TMEM170B: variants seen among roughly 807,000 people sequenced by gnomAD.
TMEM170B encodes transmembrane protein 170B.
In TMEM170B, 6 loss-of-function variants were observed where a neutral mutation model predicts 13.0. The observed-to-expected ratio is 0.46, with a 90% CI of 0.25 to 0.91. The LOEUF is 0.91. Among genes scored for constraint, TMEM170B ranks in the 40% least tolerant of loss-of-function variants. The pLI is 0.17. For synonymous variants in TMEM170B, 61 were observed against 64.9 expected (o/e 0.94, Z 0.29); for missense variants, 138 against 165.2 (o/e 0.84, Z 0.90).
intron 1 of TMEM170B, among the ~76,000 whole-genome samples, chr6:11,549,160 C>A: frequency 6.6e-6 from 1 of 152,166 alleles, no homozygotes; most frequent in Non-Finnish European, 1.5e-5. Context: ...ATGAATAAGT[C>A]TACTGATGGC....
Position 11,575,356 on chromosome 6 carries a change from C to A in TMEM170B, c.269-75C>A. The A allele has an allele frequency of 6.6e-7, 1 of 1,520,044 alleles. No homozygotes were observed. The highest frequency in any genetic ancestry group is 9.0e-7 in the Non-Finnish European group (1 of 1,114,884). The allele number at this position is 1,520,044 out of a possible 1,614,324, so 94.2% of individuals were successfully genotyped here. A position where few individuals can be genotyped will look rare whatever the true frequency, so the allele number is the denominator to read the frequency against. On this transcript the variant is annotated intron_variant, in intron 2 of 2. Coordinates refer to ENST00000379426, the MANE Select transcript of TMEM170B (RefSeq NM_001100829.3). This position sits in a 1 kb window ranked among gnomAD's most constrained non-coding sequence, Gnocchi z 4.1. ...TTATGTTTTGATGAAATGAAAAGAG[C>A]TCTTAAGGTGCAGCATGCAGTGTGT...
intron 1 of TMEM170B, among the ~76,000 whole-genome samples, chr6:11,545,471 A>G (rs190467292): frequency 8.5e-5 from 13 of 152,238 alleles, no homozygotes; most frequent in Non-Finnish European, 1.9e-4. Flanking sequence ...ACCTCATGTG[A>G]TGATGGTCCC....
intron 1 of TMEM170B, among the ~76,000 whole-genome samples, chr6:11,549,998 A>T (rs1759502870): frequency 6.6e-6 from 1 of 151,946 alleles, no homozygotes; most frequent in Non-Finnish European, 1.5e-5. Context: ...CATGTACATC[A>T]ATTTTTCTAA....
intron 1 of TMEM170B, among the ~76,000 whole-genome samples, chr6:11,539,532 C>G (rs935496458): frequency 6.6e-6 from 1 of 152,068 alleles, no homozygotes; most frequent in Non-Finnish European, 1.5e-5. Context: ...CAAAAGACAA[C>G]TTTAAGGACA....
rs1276845525 is a variant in TMEM170B, at chr6:11,577,644, A to G, written c.*2083A>G. Reference sequence around the variant, plus strand: ...GAGCATGATTCATAATCCAAAATTAACAAGAAAATAACTTGGATACATTAA... The same window carrying G: ...GAGCATGATTCATAATCCAAAATTAGCAAGAAAATAACTTGGATACATTAA... On this transcript the variant is annotated 3_prime_UTR_variant, in exon 3 of 3. Transcript: ENST00000379426. The G allele has an allele frequency of 6.6e-6, 1 of 152,144 alleles. No individual in the cohort carries two copies. The highest frequency in any genetic ancestry group is 2.4e-5 in the African/African-American group (1 of 41,460). The allele number at this position is 152,144 out of a possible 1,614,324, so 9.4% of individuals were successfully genotyped here.
intron 1 of TMEM170B, among the ~76,000 whole-genome samples, chr6:11,543,800 G>GT (rs921898238): frequency 1.1e-4 from 17 of 152,054 alleles, no homozygotes; most frequent in Non-Finnish European, 1.8e-4. Context: ...TGTCACTAGT[G>GT]TTTTTTTCCC....
At chr6:11,555,834 A>C (rs1033223689) in intron 1 of TMEM170B, among the ~76,000 whole-genome samples, 2 of 152,054 alleles carry the variant, frequency 1.3e-5, no homozygotes, top group African/African-American at 2.4e-5. Flanking sequence ...GCTTCTTTTA[A>C]TTTTTTGATT....
chr6:11,568,482 G>A (rs889429355), intron 2 of TMEM170B, among the ~76,000 whole-genome samples: 8 of 152,076 alleles, frequency 5.3e-5, no homozygotes. Context: ...TTTAAAGAGA[G>A]CATGAGAAAT....
intron 1 of TMEM170B, among the ~76,000 whole-genome samples, chr6:11,538,976 G>A (rs1201931488): frequency 6.6e-6 from 1 of 152,124 alleles, no homozygotes; most frequent in Non-Finnish European, 1.5e-5. Context: ...ATTTCCTTTT[G>A]TCTGTCTGTC....
intron 1 of TMEM170B, among the ~76,000 whole-genome samples, chr6:11,543,232 G>A (rs114042098): frequency 6.6e-6 from 1 of 152,126 alleles, no homozygotes; most frequent in African/African-American, 2.4e-5. Flanking sequence ...TATAGTACCT[G>A]GCACGTAGTA....
chr6:11,567,346 G>A (rs1759748035), intron 2 of TMEM170B, among the ~76,000 whole-genome samples: 1 of 152,210 alleles, frequency 6.6e-6, no homozygotes, highest in Non-Finnish European at 1.5e-5. Context: ...TATGTCAGGG[G>A]CAGCTCACTG....
intron 1 of TMEM170B, among the ~76,000 whole-genome samples, chr6:11,546,498 G>A (rs1425307228): frequency 1.3e-5 from 2 of 152,210 alleles, no homozygotes; most frequent in East Asian, 3.8e-4. Flanking sequence ...GCAGTGTACA[G>A]TAATGTCTGA....
chr6:11,555,874 A>ATGTCT (rs1279270945), intron 1 of TMEM170B, among the ~76,000 whole-genome samples: 2 of 398 alleles, frequency 5.0e-3, no homozygotes, highest in African/African-American at 5.1e-3. Context: ...CTGAGGTACA[A>ATGTCT]GGCCGGGCGC....
intron 2 of TMEM170B, among the ~76,000 whole-genome samples, chr6:11,567,869 G>A (rs559695936): frequency 4.0e-4 from 61 of 152,252 alleles, no homozygotes; most frequent in African/African-American, 1.4e-3. Context: ...TTATTCTGCC[G>A]GCCATGGAAA....
Position 11,575,093 on chromosome 6 carries a change from A to G in TMEM170B, c.269-338A>G, listed in dbSNP as rs1344097561. 2.0e-5 allele frequency among the ~76,000 whole-genome samples: 3 copies of G among 152,098 alleles called. No homozygotes were observed. Among genetic ancestry groups the G allele is most frequent in the African/African-American group, 7.2e-5 (3 of 41,432 alleles). ...TATACTGTATGTTTACAAAAATGCT[A>G]AAGAGGTCTAGTTAATTGAATGCCC... On this transcript the variant is annotated intron_variant, in intron 2 of 2. Transcript: ENST00000379426. This position sits in a 1 kb window ranked among gnomAD's most constrained non-coding sequence, Gnocchi z 4.1.
chr6:11,543,343 G>T (rs1218427070), intron 1 of TMEM170B, among the ~76,000 whole-genome samples: 2 of 152,150 alleles, frequency 1.3e-5, no homozygotes, highest in Non-Finnish European at 2.9e-5. Flanking sequence ...ATCTCTTGGA[G>T]TGAATATGCT....
At chr6:11,571,304 G>A (rs907472509) in intron 2 of TMEM170B, among the ~76,000 whole-genome samples, 1 of 151,708 alleles carries the variant, frequency 6.6e-6, no homozygotes, top group African/African-American at 2.4e-5. Context: ...TCCCAACTCA[G>A]CCTCCTGAGT....
At chr6:11,543,326 C>G (rs1759387290) in intron 1 of TMEM170B, among the ~76,000 whole-genome samples, 1 of 152,118 alleles carries the variant, frequency 6.6e-6, no homozygotes, top group Non-Finnish European at 1.5e-5. Flanking sequence ...CATTGTTTCT[C>G]ATCTGCATCT....
chr6:11,553,414 A>AT (rs1195055410), intron 1 of TMEM170B, among the ~76,000 whole-genome samples: 4 of 152,168 alleles, frequency 2.6e-5, no homozygotes, highest in Non-Finnish European at 5.9e-5. Flanking sequence ...AGCTATTGGA[A>AT]TTTCCACCTC....
Sources: allele counts gnomAD v4.1 joint callset (sites outside exome capture counted in the v4.1 genomes callset), GRCh38; gene constraint gnomAD v4.1.1; non-coding constraint Gnocchi (gnomAD v3.1); transcripts MANE v1.5; gene names NCBI Gene and HGNC (gene_info 2026-07-23, HGNC 2026-07-21).